Variants in DIAPH2 observed in about 807,000 individuals in gnomAD.
DIAPH2 encodes protein diaphanous homolog 2.
Under a neutral mutation model 92.7 loss-of-function variants are expected in DIAPH2, and 35 were observed. That is an observed-to-expected ratio of 0.38 (90% CI 0.29 to 0.50). The LOEUF is 0.50. Ranked by LOEUF, DIAPH2 falls within the 20% of genes least tolerant of loss-of-function variation. The probability of loss-of-function intolerance (pLI) is 0.94; values close to 1 mark genes in which losing one functional copy is unlikely to be tolerated. For synonymous variants in DIAPH2, 301 were observed against 280.4 expected, an observed-to-expected ratio of 1.07 and a Z score of -0.73; for missense variants, 701 against 819.5, an observed-to-expected ratio of 0.86 and a Z score of 1.77.
At chrX:97,214,390 G>A (rs191144316) in intron 22 of DIAPH2, among the ~76,000 whole-genome samples, 164 of 109,371 alleles carry the variant, frequency 1.5e-3, no homozygotes, top group African/African-American at 5.3e-3. Context: ...GACTGCCTGC[G>A]CCCAGGAGTT....
chrX:97,057,156 A>G (rs948359305), intron 17 of DIAPH2, among the ~76,000 whole-genome samples: 1 of 111,797 alleles, frequency 8.9e-6, no homozygotes, highest in African/African-American at 3.2e-5. Context: ...GCAAAAGGAG[A>G]TGTGGAACGT....
At chrX:97,353,699 G>C (rs2069239644) in intron 24 of DIAPH2, among the ~76,000 whole-genome samples, 1 of 108,399 alleles carries the variant, frequency 9.2e-6, no homozygotes. Context: ...CTGTTCATTT[G>C]ATAAACTTTG....
intron 16 of DIAPH2, among the ~76,000 whole-genome samples, chrX:96,958,885 T>C (rs1041020556): frequency 8.9e-6 from 1 of 111,881 alleles, no homozygotes; most frequent in African/African-American, 3.2e-5. Flanking sequence ...TCCAATTCCA[T>C]ACATATTGCT....
chrX:97,061,077 G>T (rs1363157382), intron 17 of DIAPH2, among the ~76,000 whole-genome samples: 1 of 111,939 alleles, frequency 8.9e-6, no homozygotes, highest in Non-Finnish European at 1.9e-5. Flanking sequence ...TTTTTGGATA[G>T]GTTTCATAAC....
intron 17 of DIAPH2, among the ~76,000 whole-genome samples, chrX:97,034,914 TATTACCTGCATGCACA>T (rs1326872307): frequency 8.9e-6 from 1 of 111,797 alleles, no homozygotes; most frequent in Non-Finnish European, 1.9e-5. Context: ...ATACTGGGCA[TATTACCTGCATGCACA>T]ATGGAGGGTT....
intron 26 of DIAPH2, among the ~76,000 whole-genome samples, chrX:97,574,952 G>C (rs770073893): frequency 1.8e-5 from 2 of 112,300 alleles, no homozygotes; most frequent in Non-Finnish European, 3.8e-5. Context: ...GCCTGCACTA[G>C]AGCAGTGACA....
At chrX:97,077,124 A>G (rs1321205143) in intron 19 of DIAPH2, among the ~76,000 whole-genome samples, 1 of 111,435 alleles carries the variant, frequency 9.0e-6, no homozygotes, top group East Asian at 2.8e-4. Context: ...AACTTACCTG[A>G]GTTATTAAGG....
At chrX:97,193,103 C>T (rs758580445) in intron 22 of DIAPH2, among the ~76,000 whole-genome samples, 48 of 104,274 alleles carry the variant, frequency 4.6e-4, no homozygotes, top group Middle Eastern at 4.9e-3. Flanking sequence ...GCCTCGACCT[C>T]CTGGGCTCAA....
chrX:97,036,868 A>T (rs1003435604), intron 17 of DIAPH2, among the ~76,000 whole-genome samples: 5 of 112,064 alleles, frequency 4.5e-5, no homozygotes, highest in African/African-American at 1.6e-4. Context: ...GATGACAATC[A>T]TTAAAATAGC....
At chrX:97,008,192 G>A (rs2066198090) in intron 17 of DIAPH2, among the ~76,000 whole-genome samples, 1 of 107,276 alleles carries the variant, frequency 9.3e-6, no homozygotes, top group Admixed American at 1.0e-4. Flanking sequence ...TATCATTTCT[G>A]CTCTTAAGAG....
chrX:97,584,441 A>T (rs1173682006), intron 26 of DIAPH2, among the ~76,000 whole-genome samples: 1 of 112,602 alleles, frequency 8.9e-6, no homozygotes, highest in Non-Finnish European at 1.9e-5. Flanking sequence ...AATAAAACAG[A>T]TAAAACTAAA....
intron 17 of DIAPH2, among the ~76,000 whole-genome samples, chrX:97,014,628 C>A (rs1242568578): frequency 8.9e-6 from 1 of 111,869 alleles, no homozygotes; most frequent in African/African-American, 3.3e-5. Context: ...TGTGAGAGAC[C>A]ATCAGCTTTT....
chrX:96,872,309 T>C (rs986188369), intron 4 of DIAPH2, among the ~76,000 whole-genome samples: 8 of 110,574 alleles, frequency 7.2e-5, no homozygotes, highest in Admixed American at 3.9e-4. Context: ...TCTCCATGAG[T>C]TCAATTGTTT....
intron 25 of DIAPH2, among the ~76,000 whole-genome samples, chrX:97,397,262 T>C (rs1177008650): frequency 8.9e-6 from 1 of 111,918 alleles, no homozygotes; most frequent in African/African-American, 3.2e-5. Context: ...CATTTGAAAA[T>C]CAAAAAATAA....
At chrX:97,165,486 T>TTTTG (rs894854662) in intron 22 of DIAPH2, among the ~76,000 whole-genome samples, 6 of 110,443 alleles carry the variant, frequency 5.4e-5, no homozygotes, top group Middle Eastern at 4.2e-3. Flanking sequence ...TATTTTGGAG[T>TTTTG]TTTGTTTGTT....
At chrX:96,958,241 T>A in intron 16 of DIAPH2, 93 bp downstream of exon 16, 1 of 977,296 alleles carries the variant, frequency 1.0e-6, no homozygotes, top group Non-Finnish European at 1.4e-6. Context: ...GTATGACTGC[T>A]GACTCTTTCC....
intron 21 of DIAPH2, among the ~76,000 whole-genome samples, chrX:97,127,703 A>G (rs1339732649): frequency 1.8e-5 from 2 of 112,630 alleles, no homozygotes; most frequent in African/African-American, 6.4e-5. Flanking sequence ...TAACTGACAT[A>G]CTATAAAATT....
chrX:97,107,399 A>G (rs1479281913), intron 20 of DIAPH2, among the ~76,000 whole-genome samples: 3 of 111,773 alleles, frequency 2.7e-5, no homozygotes, highest in African/African-American at 9.8e-5. Flanking sequence ...GACTCCATAT[A>G]GTTGGTACAC....
intron 19 of DIAPH2, among the ~76,000 whole-genome samples, chrX:97,086,574 A>T (rs1393772584): frequency 8.9e-6 from 1 of 111,917 alleles, no homozygotes; most frequent in East Asian, 2.8e-4. Context: ...GAAATAATGG[A>T]TATGTTAATT....
Sources: allele counts gnomAD v4.1 joint callset (sites outside exome capture counted in the v4.1 genomes callset), GRCh38; gene constraint gnomAD v4.1.1; transcripts MANE v1.5; gene names NCBI Gene and HGNC (gene_info 2026-07-23, HGNC 2026-07-21).